Variants in HDAC7 observed in about 807,000 individuals in gnomAD.
The protein encoded by HDAC7 is histone deacetylase 7A.
Under a neutral mutation model 115.5 loss-of-function variants are expected in HDAC7, and 26 were observed. The observed-to-expected ratio is 0.23, with a 90% confidence interval of 0.16 to 0.31. The LOEUF (loss-of-function observed/expected upper bound fraction) is 0.31, where lower values mean the gene tolerates loss of function less well. HDAC7 is among the 10% of genes least tolerant of loss of function. HDAC7 has a pLI of 1.00. For synonymous variants in HDAC7, 564 were observed against 550.9 expected (o/e 1.02, Z -0.33); for missense variants, 1,068 against 1,329.0 (o/e 0.80, Z 3.05).
In HDAC7 at chr12:47,784,083, C is replaced by A; in HGVS notation, c.2926G>T (p.Asp976Tyr). 2.5e-6 allele frequency: 4 copies of A among 1,613,218 alleles called. No homozygotes were observed. The highest frequency in any genetic ancestry group is 3.4e-6 in the Non-Finnish European group (4 of 1,179,726). ...GGGCCAGGGGTCTGGCATTACCTAT[C>A]TTCAGCCAGGATGCCCACAGAGAGG... ...ASLSVGILAE[D>Y]RPSEQLVEEE... is the part of the protein sequence containing the mutation. Residue 976 changes from aspartate to tyrosine, a missense_variant, in exon 25 of 26, where the codon GAT (aspartate) becomes TAT (tyrosine). Asp to Tyr is a radical substitution (Grantham distance 160, BLOSUM62 -3). Around this residue, in one of 6 missense-constraint regions of HDAC7, gnomAD observed 98 missense variants for 123.9 expected, o/e 0.79. Coordinates refer to ENST00000080059, the MANE Select transcript of HDAC7 (RefSeq NM_015401.5).
rs1943735336 is a variant in HDAC7 at position 47,795,076 on chromosome 12, C to T, written c.1284+108G>A. ...CTGGGCCCCAAGAAGCCACATCCCC[C>T]TCTTTTGCCCTCCAGTTCCCTGCCC... On this transcript the variant is annotated intron_variant, in intron 11 of 25. Transcript: ENST00000080059. This position sits in a 1 kb window ranked among gnomAD's most constrained non-coding sequence, Gnocchi z 4.3. The T allele has an allele frequency of 7.6e-7, 1 of 1,311,306 alleles. No homozygotes were observed. Among genetic ancestry groups the T allele is most frequent in the Non-Finnish European group, 1.1e-6 (1 of 937,386 alleles). The allele number at this position is 1,311,306 out of a possible 1,614,324, so 81.2% of individuals were successfully genotyped here.
chr12:47,790,222 G>T, intron 16 of HDAC7: 1 of 378,570 alleles, frequency 2.6e-6, no homozygotes, highest in Non-Finnish European at 5.0e-6. Context: ...GGGACTTGGG[G>T]TTTGGGCCGG....
chr12:47,785,221 G>T, intron 24 of HDAC7, 166 bp downstream of exon 24: 3 of 646,342 alleles, frequency 4.6e-6, no homozygotes, highest in East Asian at 2.7e-5. Context: ...CCCCTCACTG[G>T]GGGGTGCTCA....
In HDAC7 at chr12:47,795,634, G is replaced by T; in HGVS notation, c.1040C>A (p.Pro347His). 6.4e-7 allele frequency: 1 copy of T among 1,557,638 alleles called. No homozygotes were observed. The highest frequency in any genetic ancestry group is 8.7e-7 in the Non-Finnish European group (1 of 1,150,608). ...AGGTLPSRLQ[P>H]ILLLDPSGSH... is the part of the protein sequence containing the mutation. ...GCCTGAGGGGTCCAGGAGGAGAATGGGCTGCAGGCGAGAGGGCAAGGTGCC... is the reference window on the plus strand; with the variant it reads ...GCCTGAGGGGTCCAGGAGGAGAATGTGCTGCAGGCGAGAGGGCAAGGTGCC... The change falls in exon 10 of 26, where the codon CCC becomes CAC. Residue 347 changes from proline to histidine, a missense_variant. This residue lies in a region of HDAC7 where 618 missense variants were observed against 701.5 expected (regional missense o/e 0.88). Coordinates refer to ENST00000080059, the MANE Select transcript of HDAC7 (RefSeq NM_015401.5). This position sits in a 1 kb window ranked among gnomAD's most constrained non-coding sequence, Gnocchi z 4.3.
chr12:47,792,174 C>G (rs1943568642), intron 13 of HDAC7, 170 bp from the exon 14 acceptor site: 1 of 705,718 alleles, frequency 1.4e-6, no homozygotes, highest in African/African-American at 1.8e-5. Context: ...ACCCCAGCCC[C>G]AGCCCCTCAC....
intron 2 of HDAC7, 25 bp downstream of exon 2, chr12:47,802,199 G>A (rs1386697169): frequency 6.2e-6 from 10 of 1,608,892 alleles, no homozygotes; most frequent in Non-Finnish European, 8.5e-6. Flanking sequence ...TCCCTACCAT[G>A]GACTCCCCCG....
At position 47,798,914 on chromosome 12, in the gene HDAC7, C is replaced by T. The variant is rs922185107; in HGVS notation, c.129G>A (p.Arg43=). ...GCTCCACTGGGGGCCGCTGGCCCACCCGCAGGTCCATGGGCTGCGGCTGAG... is the reference window on the plus strand; with the variant it reads ...GCTCCACTGGGGGCCGCTGGCCCACTCGCAGGTCCATGGGCTGCGGCTGAG... ...PGPQPQPMDL[R]VGQRPPVEPP... The change falls in exon 3 of 26, where the codon CGG becomes CGA. Residue 43 remains arginine, a synonymous_variant. Coordinates refer to ENST00000080059, the MANE Select transcript of HDAC7 (RefSeq NM_015401.5). This position sits in a 1 kb window ranked among gnomAD's most constrained non-coding sequence, Gnocchi z 4.3. 6.5e-7 allele frequency: 1 copy of T among 1,533,636 alleles called. No homozygotes were observed. Among genetic ancestry groups the T allele is most frequent in the Non-Finnish European group, 8.7e-7 (1 of 1,144,738 alleles).
intron 1 of HDAC7, chr12:47,817,723 G>A (rs12814512): frequency 0.17 from 25,218 of 152,224 alleles, 3,839 homozygotes; most frequent in African/African-American, 0.41. Context: ...GGCCCCTGCC[G>A]ACTTCAAAAT....
chr12:47,810,893 G>A (rs977297565), intron 1 of HDAC7, among the ~76,000 whole-genome samples: 1 of 151,492 alleles, frequency 6.6e-6, no homozygotes, highest in Non-Finnish European at 1.5e-5. Flanking sequence ...TGGGCAGGTG[G>A]AAGCGCTGGA....
At chr12:47,786,890 A>G (rs185014138) in intron 21 of HDAC7, among the ~76,000 whole-genome samples, 187 bp from the exon 22 acceptor site, 212 of 152,348 alleles carry the variant, frequency 1.4e-3, no homozygotes, top group African/African-American at 4.9e-3. Context: ...ACACAGCCTA[A>G]GGACTCAGCC....
At chr12:47,790,048 C>T in intron 16 of HDAC7, 128 bp from the exon 17 acceptor site, 1 of 674,028 alleles carries the variant, frequency 1.5e-6, no homozygotes, top group South Asian at 1.6e-5. Context: ...TGCTGCCTCC[C>T]CAGTGCCCCA....
chr12:47,807,552 T>TCCA lies in HDAC7; in HGVS notation c.20-5281_20-5279dup, dbSNP rs1178071851. On this transcript the variant is annotated intron_variant, in intron 1 of 25. Transcript: ENST00000080059. Reference sequence around the variant, plus strand: ...GAATCCACGCTCTCAACCAATACACTCCACCCCTCCTCCCCAGCATTCCCA... The same window carrying TCCA: ...GAATCCACGCTCTCAACCAATACACTCCACCACCCCTCCTCCCCAGCATTCCCA... Among the ~76,000 whole-genome samples, 9 of 151,398 alleles carry TCCA rather than the reference T, an allele frequency of 5.9e-5. No individual in the cohort carries two copies. In the East Asian group the frequency reaches 1.6e-3, roughly 26 times the overall value.
intron 1 of HDAC7, among the ~76,000 whole-genome samples, chr12:47,810,716 C>G (rs11168245): frequency 0.16 from 24,099 of 152,152 alleles, 2,515 homozygotes; most frequent in Non-Finnish European, 0.23. Flanking sequence ...TGGAAACTGT[C>G]AAGCCCTCTA....
chr12:47,809,899 C>T (rs1203679186), intron 1 of HDAC7, among the ~76,000 whole-genome samples: 1 of 152,018 alleles, frequency 6.6e-6, no homozygotes, highest in African/African-American at 2.4e-5. Flanking sequence ...TGTACTATTG[C>T]AAGTAGTCCT....
At position 47,791,583 on chromosome 12, in the gene HDAC7, T is replaced by G. The variant is rs1415411216; in HGVS notation, c.1933+3A>C. 1.9e-6 allele frequency: 3 copies of G among 1,604,924 alleles called. No individual in the cohort carries two copies. Among genetic ancestry groups the G allele is most frequent in the Non-Finnish European group, 2.6e-6 (3 of 1,175,754 alleles). On this transcript the variant is annotated splice_donor_region_variant and intron_variant, in intron 15 of 25. Coordinates refer to ENST00000080059, the MANE Select transcript of HDAC7 (RefSeq NM_015401.5). ...TGGGGAGACAGGGCCACTAGGCCAT[T>G]ACCTGCCAGCTTCCCGTTGTCCAGT... is the stretch of plus-strand genomic sequence containing the variant.
chr12:47,804,965 A>C lies in HDAC7; in HGVS notation c.20-2691T>G, dbSNP rs376708819. On this transcript the variant is annotated intron_variant, in intron 1 of 25. Transcript: ENST00000080059. ...GTGGATGAAAACCTGAGCCTTGCCG[A>C]CCACCTGCTCTCCCAGGAGCTTCAT... is the stretch of plus-strand genomic sequence containing the variant. Among the ~76,000 whole-genome samples, 5 of 151,726 alleles carry C rather than the reference A, an allele frequency of 3.3e-5. No individual in the cohort carries two copies. In the East Asian group the frequency reaches 7.7e-4, roughly 23 times the overall value.
chr12:47,786,966 G>T (rs761954991), intron 21 of HDAC7, among the ~76,000 whole-genome samples: 9 of 152,222 alleles, frequency 5.9e-5, no homozygotes, highest in Non-Finnish European at 1.0e-4. Flanking sequence ...GGGAATGAAA[G>T]AGGAGTGTGT....
At position 47,797,325 on chromosome 12, in the gene HDAC7, A is replaced by C. The variant is rs1943910055; in HGVS notation, c.577+59T>G. 16 of 750,734 alleles carry C rather than the reference A, an allele frequency of 2.1e-5. No individual in the cohort carries two copies. The highest frequency in any genetic ancestry group is 4.6e-5 in the East Asian group (1 of 21,704). 46.5% of individuals were successfully genotyped at this position (750,734 alleles called of 1,614,324 possible). On this transcript the variant is annotated intron_variant, in intron 6 of 25. Coordinates refer to ENST00000080059, the MANE Select transcript of HDAC7 (RefSeq NM_015401.5). The surrounding 1 kb of genome is among the most constrained non-coding windows in gnomAD (Gnocchi z 5.5). ...GCCCACCCCTGCACACTCCTCCCCC[A>C]TGTCCGAGGCCCTTCCCCCTTCCTT...
chr12:47,811,851 T>C (rs983053454), intron 1 of HDAC7, among the ~76,000 whole-genome samples: 1 of 152,218 alleles, frequency 6.6e-6, no homozygotes, highest in African/African-American at 2.4e-5. Context: ...CAAGGGCCTA[T>C]AACACAGAGC....
Sources: allele counts gnomAD v4.1 joint callset (sites outside exome capture counted in the v4.1 genomes callset), GRCh38; gene constraint gnomAD v4.1.1; regional missense constraint gnomAD v4.1.1; non-coding constraint Gnocchi (gnomAD v3.1); transcripts MANE v1.5; gene names NCBI Gene and HGNC (gene_info 2026-07-23, HGNC 2026-07-21).